ARHGAP15: variants seen among roughly 807,000 people sequenced by gnomAD.
The protein encoded by ARHGAP15 is rho GTPase-activating protein 15.
Under a neutral mutation model 63.7 loss-of-function variants are expected in ARHGAP15, and 51 were observed. The ratio of observed to expected loss-of-function variants is 0.80; its 90% CI spans 0.64 to 1.01. The LOEUF is 1.01. Among genes scored for constraint, ARHGAP15 ranks in the 50% least tolerant of loss-of-function variants. The pLI, the probability that ARHGAP15 is intolerant of heterozygous loss-of-function variation, is 0.00. For missense variants in ARHGAP15, 560 were observed against 564.6 expected (o/e 0.99, Z 0.08); for synonymous variants, 191 against 193.8 (o/e 0.99, Z 0.12).
chr2:143,281,333 TA>T (rs1283006604), intron 6 of ARHGAP15, among the ~76,000 whole-genome samples: 1 of 152,134 alleles, frequency 6.6e-6, no homozygotes, highest in African/African-American at 2.4e-5. Flanking sequence ...TACTTTAATA[TA>T]AAAAGACCAA....
chr2:143,364,257 CT>C, intron 6 of ARHGAP15, among the ~76,000 whole-genome samples: 1 of 151,950 alleles, frequency 6.6e-6, no homozygotes, highest in East Asian at 1.9e-4. Context: ...CAGATATCAT[CT>C]GAATAATATT....
intron 12 of ARHGAP15, chr2:143,682,535 CA>C (rs1559123740): frequency 6.6e-6 from 1 of 152,034 alleles, no homozygotes. Context: ...CACACATGCA[CA>C]GATATATATA....
At chr2:143,192,390 A>G (rs1270348417) in intron 2 of ARHGAP15, among the ~76,000 whole-genome samples, 1 of 152,230 alleles carries the variant, frequency 6.6e-6, no homozygotes, top group Non-Finnish European at 1.5e-5. Context: ...GCAGACTAAC[A>G]ACACCCTGAA....
intron 4 of ARHGAP15, among the ~76,000 whole-genome samples, chr2:143,225,185 C>T (rs112257992): frequency 6.6e-5 from 10 of 152,028 alleles, no homozygotes; most frequent in African/African-American, 1.9e-4. Flanking sequence ...CCGCACTGGG[C>T]TTTGCAAATT....
At chr2:143,139,685 A>C (rs78281892) in intron 1 of ARHGAP15, among the ~76,000 whole-genome samples, 3,039 of 152,214 alleles carry the variant, frequency 0.02, 86 homozygotes, top group African/African-American at 0.065. Flanking sequence ...AGCATGGAGA[A>C]ATTGAATTGC....
intron 6 of ARHGAP15, among the ~76,000 whole-genome samples, chr2:143,295,022 G>A (rs969051676): frequency 2.0e-5 from 3 of 152,000 alleles, no homozygotes; most frequent in Non-Finnish European, 2.9e-5. Context: ...TGATGCTAAA[G>A]GAAATTATTT....
chr2:143,679,654 C>CGTGT lies in ARHGAP15; in HGVS notation c.1139-23738_1139-23735dup, dbSNP rs60643761. Among the ~76,000 whole-genome samples, 579 of 149,940 alleles carry CGTGT rather than the reference C, an allele frequency of 3.9e-3. 8 individuals carry two copies. Among genetic ancestry groups the CGTGT allele is most frequent in the Middle Eastern group, 0.017 (5 of 290 alleles). ...TCTTGAATGAGGGGGTGCGTGTGTG[C>CGTGT]GTGTGTGTGTGTGTGTGTGTGTGTG... On this transcript the variant is annotated intron_variant, in intron 12 of 13. Transcript: ENST00000295095.
intron 2 of ARHGAP15, among the ~76,000 whole-genome samples, chr2:143,166,001 A>AGAGAAAGAAGGAAG (rs1690502282): frequency 9.9e-6 from 1 of 101,110 alleles, no homozygotes; most frequent in African/African-American, 4.5e-5. Context: ...AAAGAAAGAA[A>AGAGAAAGAAGGAAG]GAAGGAAGGA....
In ARHGAP15 at chr2:143,640,005, C is replaced by T. The variant is rs188288822; in HGVS notation, c.1138+15738C>T. Among the ~76,000 whole-genome samples, 383 of 152,166 alleles carry T rather than the reference C, an allele frequency of 2.5e-3. 2 individuals carry two copies. Among genetic ancestry groups the T allele is most frequent in the Non-Finnish European group, 4.2e-3 (288 of 67,990 alleles). On this transcript the variant is annotated intron_variant, in intron 12 of 13. Coordinates refer to ENST00000295095, the MANE Select transcript of ARHGAP15 (RefSeq NM_018460.4). ...GTTTCCCAGGCTTGTATGTTTGTGA[C>T]TCCTTTTTCTGGCAATTAATTGTAA...
intron 2 of ARHGAP15, among the ~76,000 whole-genome samples, chr2:143,164,450 G>A (rs1312842484): frequency 1.3e-5 from 2 of 151,960 alleles, no homozygotes; most frequent in African/African-American, 4.8e-5. Flanking sequence ...CTCCTTTGAG[G>A]TGATGGATTT....
At chr2:143,283,681 G>T (rs1681962929) in intron 6 of ARHGAP15, among the ~76,000 whole-genome samples, 1 of 152,108 alleles carries the variant, frequency 6.6e-6, no homozygotes, top group African/African-American at 2.4e-5. Flanking sequence ...TTAATTTGAT[G>T]CATACCTTTC....
At chr2:143,619,208 T>C (rs1253116636) in intron 11 of ARHGAP15, among the ~76,000 whole-genome samples, 3 of 152,234 alleles carry the variant, frequency 2.0e-5, no homozygotes, top group African/African-American at 4.8e-5. Context: ...TTCAGTTCTT[T>C]TTAAGAAAAA....
intron 6 of ARHGAP15, among the ~76,000 whole-genome samples, chr2:143,277,050 T>C (rs775384211): frequency 6.6e-6 from 1 of 152,152 alleles, no homozygotes; most frequent in Non-Finnish European, 1.5e-5. Context: ...TTCTTTGTAG[T>C]TGTCTTGTTT....
chr2:143,538,569 A>C (rs1160333007), intron 10 of ARHGAP15, among the ~76,000 whole-genome samples: 1 of 152,138 alleles, frequency 6.6e-6, no homozygotes, highest in Non-Finnish European at 1.5e-5. Context: ...TACCTAATTT[A>C]TTGAGAGTTT....
intron 6 of ARHGAP15, among the ~76,000 whole-genome samples, chr2:143,355,909 C>T (rs1211989630): frequency 1.3e-5 from 2 of 152,076 alleles, no homozygotes; most frequent in Admixed American, 1.3e-4. Flanking sequence ...TCCAACAATG[C>T]CATTTAAATA....
At chr2:143,506,614 T>G (rs1693336271) in intron 9 of ARHGAP15, among the ~76,000 whole-genome samples, 1 of 152,224 alleles carries the variant, frequency 6.6e-6, no homozygotes, top group Admixed American at 6.5e-5. Flanking sequence ...GTAATTCTAA[T>G]GAGATGATGA....
chr2:143,597,689 A>G (rs1697577773), intron 11 of ARHGAP15, among the ~76,000 whole-genome samples: 1 of 152,200 alleles, frequency 6.6e-6, no homozygotes, highest in African/African-American at 2.4e-5. Context: ...TAACTTTTAA[A>G]CAAATATTTT....
chr2:143,341,500 A>G (rs1261920214), intron 6 of ARHGAP15, among the ~76,000 whole-genome samples: 2 of 152,078 alleles, frequency 1.3e-5, no homozygotes, highest in African/African-American at 4.8e-5. Flanking sequence ...ATAATATACA[A>G]TCTGTTTGTC....
chr2:143,257,979 G>A (rs371091949), intron 6 of ARHGAP15, among the ~76,000 whole-genome samples: 9 of 152,200 alleles, frequency 5.9e-5, no homozygotes, highest in East Asian at 5.8e-4. Flanking sequence ...TTTAAAGAGA[G>A]CAGCCATGTG....
Sources: gnomAD v4.1 joint callset for allele counts (sites outside exome capture counted in the v4.1 genomes callset) on GRCh38, gnomAD v4.1.1 for gene constraint, MANE v1.5 for transcripts, NCBI Gene and HGNC (gene_info 2026-07-23, HGNC 2026-07-21) for gene names.